DNMT3B: variants seen among roughly 807,000 people sequenced by gnomAD.
DNMT3B encodes DNA methyltransferase 3 beta, also known as DNA (cytosine-5)-methyltransferase 3B.
A neutral mutation model predicts 120.2 loss-of-function variants in DNMT3B; 37 were observed. The observed-to-expected ratio is 0.31, with a 90% CI of 0.24 to 0.40. DNMT3B has a LOEUF of 0.40. Ranked by LOEUF, DNMT3B falls within the 10% of genes least tolerant of loss-of-function variation. The pLI is 1.00. For synonymous variants in DNMT3B, 412 were observed against 442.8 expected (o/e 0.93, Z 0.87); for missense variants, 878 against 1,137.3 (o/e 0.77, Z 3.28).
chr20:32,763,029 G>A (rs1987069765), intron 1 of DNMT3B, among the ~76,000 whole-genome samples: 1 of 152,134 alleles, frequency 6.6e-6, no homozygotes, highest in African/African-American at 2.4e-5. Flanking sequence ...GGACGCGCTG[G>A]CTTCCCGGGG....
chr20:32,796,861 A>G lies in DNMT3B; in HGVS notation c.1369A>G (p.Thr457Ala), dbSNP rs1377006899. 5 of 1,614,004 alleles carry G rather than the reference A, an allele frequency of 3.1e-6. No individual in the cohort carries two copies. Among genetic ancestry groups the G allele is most frequent in the Non-Finnish European group, 4.2e-6 (5 of 1,180,014 alleles). The stretch of plus-strand genomic sequence containing the variant: ...TCTCTTTGAGGGGGGGCTCTGTCAG[A>G]CATGCCGGGTAAGTCCTCCTACTAC... ...HPLFEGGLCQ[T>A]CRDRFLELFY... The change falls in exon 13 of 23, where the codon ACA becomes GCA. Residue 457 changes from threonine (T) to alanine (A), a missense_variant. Coordinates refer to ENST00000328111, the MANE Select transcript of DNMT3B (RefSeq NM_006892.4).
intron 1 of DNMT3B, among the ~76,000 whole-genome samples, chr20:32,766,513 G>A (rs569710233): frequency 8.5e-5 from 13 of 152,192 alleles, no homozygotes. Context: ...ATGGCCTCTA[G>A]GTCACTTTTC....
At chr20:32,806,003 A>G (rs1401735114) in intron 21 of DNMT3B, among the ~76,000 whole-genome samples, 3 of 150,292 alleles carry the variant, frequency 2.0e-5, no homozygotes, top group African/African-American at 7.4e-5. Context: ...TGTCTCTCCA[A>G]CTCTGCTTTT....
intron 17 of DNMT3B, 76 bp from the exon 18 acceptor site, chr20:32,800,759 G>C: frequency 2.6e-6 from 4 of 1,516,772 alleles, no homozygotes; most frequent in Non-Finnish European, 3.7e-6. Context: ...CCAGCCCCAC[G>C]CAAGATTCTA....
chr20:32,797,876 TCTCGAA>T (rs1980833866), intron 14 of DNMT3B, among the ~76,000 whole-genome samples: 1 of 152,186 alleles, frequency 6.6e-6, no homozygotes, highest in Non-Finnish European at 1.5e-5. Context: ...ACCAGGCTTG[TCTCGAA>T]CTCCTGACCT....
chr20:32,770,498 G>A (rs1235147432), intron 1 of DNMT3B, among the ~76,000 whole-genome samples: 1 of 151,772 alleles, frequency 6.6e-6, no homozygotes, highest in Admixed American at 6.6e-5. Context: ...GTAGAGATGG[G>A]GTTTCTCCAT....
At chr20:32,786,071 A>G (rs1385108289) in intron 4 of DNMT3B, among the ~76,000 whole-genome samples, 1 of 152,080 alleles carries the variant, frequency 6.6e-6, no homozygotes, top group Non-Finnish European at 1.5e-5. Flanking sequence ...TTTAGTAGAG[A>G]TGGGGTTTCA....
chr20:32,765,759 T>A (rs1451460664), intron 1 of DNMT3B, among the ~76,000 whole-genome samples: 2 of 59,870 alleles, frequency 3.3e-5, no homozygotes, highest in Non-Finnish European at 5.1e-5. Context: ...TCTTTTTTTC[T>A]TTTTTTTTTT....
Position 32,798,609 on chromosome 20 carries a change from A to C in DNMT3B, c.1640A>C (p.Gln547Pro), listed in dbSNP as rs1179565655. The change falls in exon 15 of 23, where the codon CAG becomes CCG. Residue 547 changes from glutamine (Q) to proline (P), a missense_variant. By Grantham distance (76) the Gln-to-Pro change is moderately conservative. This residue lies in a region of DNMT3B where 334 missense variants were observed against 518.8 expected (regional missense o/e 0.64). Coordinates refer to ENST00000328111, the MANE Select transcript of DNMT3B (RefSeq NM_006892.4). ...CGGAAGGACTGGAACGTGCGCCTGC[A>C]GGCCTTCTTCACCAGTGACACGGGG... ...RRRKDWNVRLQAFFTSDTGLE... is the reference protein window; with the variant it reads ...RRRKDWNVRLPAFFTSDTGLE... 6.2e-7 allele frequency: 1 copy of C among 1,614,160 alleles called. No individual in the cohort carries two copies.
rs1228542479 is a variant in DNMT3B, at chr20:32,762,417, G to A, written c.-289G>A. ...CCCGCTGCCCCGTCCGGCCCGCGCC[G>A]CTTCCTCGCAGCAGCTGCTCCCGGC... On this transcript the variant is annotated 5_prime_UTR_variant, in exon 1 of 23. Coordinates refer to ENST00000328111, the MANE Select transcript of DNMT3B (RefSeq NM_006892.4). 1 of 155,406 alleles carries A rather than the reference G, an allele frequency of 6.4e-6. No homozygotes were observed. The highest frequency in any genetic ancestry group is 1.4e-5 in the Non-Finnish European group (1 of 70,844). The allele number at this position is 155,406 out of a possible 1,614,324, so 9.6% of individuals were successfully genotyped here. A position where few individuals can be genotyped will look rare whatever the true frequency, so the allele number is the denominator to read the frequency against.
intron 14 of DNMT3B, 112 bp downstream of exon 14, chr20:32,797,411 G>A: frequency 9.5e-7 from 1 of 1,055,220 alleles, no homozygotes; most frequent in Non-Finnish European, 1.4e-6. Context: ...GGAATAGGGA[G>A]CTAATTTGCC....
At chr20:32,771,745 T>A (rs1474087012) in intron 1 of DNMT3B, among the ~76,000 whole-genome samples, 1 of 151,998 alleles carries the variant, frequency 6.6e-6, no homozygotes, top group African/African-American at 2.4e-5. Flanking sequence ...AGTTGGGATG[T>A]ATTCATAGGT....
chr20:32,792,477 G>C, intron 8 of DNMT3B, 149 bp from the exon 9 acceptor site: 1 of 1,360,552 alleles, frequency 7.3e-7, no homozygotes, highest in Non-Finnish European at 1.0e-6. Flanking sequence ...TCCTTCCTCT[G>C]TCACATACCA....
intron 1 of DNMT3B, among the ~76,000 whole-genome samples, chr20:32,776,074 C>CA (rs1988055333): frequency 6.6e-6 from 1 of 152,088 alleles, no homozygotes; most frequent in Non-Finnish European, 1.5e-5. Context: ...TCTAAAAATA[C>CA]AAAAATTAGC....
chr20:32,769,043 C>G (rs1987557952), intron 1 of DNMT3B, among the ~76,000 whole-genome samples: 1 of 152,218 alleles, frequency 6.6e-6, no homozygotes, highest in South Asian at 2.1e-4. Context: ...TTACTACAAC[C>G]ACAAAACTAG....
At chr20:32,804,684 CTTTT>C (rs537765800) in intron 20 of DNMT3B, among the ~76,000 whole-genome samples, 4 of 112,658 alleles carry the variant, frequency 3.6e-5, no homozygotes, top group Non-Finnish European at 3.7e-5. Context: ...GGTGCTTAGT[CTTTT>C]TTTTTTTTTT....
rs753229010 is a variant in DNMT3B at position 32,784,910 on chromosome 20, G to GCATACATAGCATGCTA, written c.306+64_306+79dup. The GCATACATAGCATGCTA allele has an allele frequency of 5.8e-6, 9 of 1,550,672 alleles. No homozygotes were observed. In the African/African-American group the frequency reaches 1.1e-4, roughly 19 times the overall value. On this transcript the variant is annotated intron_variant, in intron 4 of 22. Coordinates refer to ENST00000328111, the MANE Select transcript of DNMT3B (RefSeq NM_006892.4). ...GCACTTGTGGCCAACACTCTACATA[G>GCATACATAGCATGCTA]CATACATAGCATGCTACATACATAG...
intron 1 of DNMT3B, among the ~76,000 whole-genome samples, chr20:32,763,292 G>A (rs1381436048): frequency 6.6e-6 from 1 of 152,190 alleles, no homozygotes; most frequent in South Asian, 2.1e-4. Context: ...ACTCGCGCGG[G>A]CTGGGGTGTG....
At chr20:32,787,499 A>G (rs1448824920) in intron 6 of DNMT3B, 48 bp downstream of exon 6, 2 of 1,582,034 alleles carry the variant, frequency 1.3e-6, no homozygotes, top group Non-Finnish European at 8.6e-7. Context: ...GACCCTGAAC[A>G]CGGGGAAAAA....
Sources: gnomAD v4.1 joint callset for allele counts (sites outside exome capture counted in the v4.1 genomes callset) on GRCh38, gnomAD v4.1.1 for gene constraint, gnomAD v4.1.1 regional missense constraint, MANE v1.5 for transcripts, NCBI Gene and HGNC (gene_info 2026-07-23, HGNC 2026-07-21) for gene names.